The following SEMA4A variants were observed in gnomAD, a reference collection of about 807,000 sequenced individuals.
SEMA4A encodes semaphorin-4A.
Under a neutral mutation model 72.5 loss-of-function variants are expected in SEMA4A, and 52 were observed. The observed-to-expected ratio is 0.72, with a 90% CI of 0.57 to 0.90. The LOEUF (loss-of-function observed/expected upper bound fraction) is 0.90, where lower values mean the gene tolerates loss of function less well. Among genes scored for constraint, SEMA4A ranks in the 40% least tolerant of loss-of-function variants. The pLI, the probability that SEMA4A is intolerant of heterozygous loss-of-function variation, is 0.00. For synonymous variants in SEMA4A, 369 were observed against 393.1 expected (o/e 0.94, Z 0.73); for missense variants, 926 against 959.7 (o/e 0.96, Z 0.46).
intron 10 of SEMA4A, 32 bp downstream of exon 10, chr1:156,163,126 T>A: frequency 6.3e-7 from 1 of 1,593,318 alleles, no homozygotes; most frequent in Non-Finnish European, 8.6e-7. Flanking sequence ...GAGCACAGTC[T>A]ACACATACAT....
intron 10 of SEMA4A, among the ~76,000 whole-genome samples, chr1:156,172,210 T>G (rs1464913285): frequency 6.6e-6 from 1 of 151,966 alleles, no homozygotes; most frequent in Non-Finnish European, 1.5e-5. Context: ...CTCTGCCTTC[T>G]GGGTTCAAGT....
chr1:156,157,968 C>T lies in SEMA4A; in HGVS notation c.301-102C>T, dbSNP rs574978100. On this transcript the variant is annotated intron_variant, in intron 3 of 14. Coordinates refer to ENST00000368285, the MANE Select transcript of SEMA4A (RefSeq NM_022367.4). This position sits in a 1 kb window ranked among gnomAD's most constrained non-coding sequence, Gnocchi z 4.5. The stretch of plus-strand genomic sequence containing the variant: ...ATCAGCATGTCACTAACCACCATGT[C>T]TGCTGGTTATTTCACATCAGAGCAG... 9 of 1,148,130 alleles carry T rather than the reference C, an allele frequency of 7.8e-6. No individual in the cohort carries two copies. The highest frequency in any genetic ancestry group is 1.2e-5 in the Non-Finnish European group (9 of 771,674). 71.1% of individuals were successfully genotyped at this position (1,148,130 alleles called of 1,614,324 possible).
At chr1:156,162,846 C>G (rs1653788310) in intron 9 of SEMA4A, 98 bp from the exon 10 acceptor site, 10 of 1,505,144 alleles carry the variant, frequency 6.6e-6, no homozygotes, top group South Asian at 1.1e-5. Context: ...GCTCTCCACA[C>G]TCTTGCCTCC....
rs757981823 is a variant in SEMA4A, at chr1:156,176,692, G to A, written c.1981G>A (p.Val661Met). The change falls in exon 15 of 15, where the codon GTG (valine) becomes ATG (methionine). Residue 661 changes from valine (V) to methionine (M), a missense_variant. Transcript: ENST00000368285. ...PELAGIPREH[V>M]KVPLTRVSGG... ...ACTGGCAGGCATCCCCCGGGAGCAT[G>A]TGAAGGTCCCGTTGACCAGGGTCAG... 4.3e-6 allele frequency: 7 copies of A among 1,614,170 alleles called. No homozygotes were observed. Among genetic ancestry groups the A allele is most frequent in the Non-Finnish European group, 5.9e-6 (7 of 1,179,976 alleles).
upstream of SEMA4A, among the ~76,000 whole-genome samples, chr1:156,151,517 C>T (rs1043703074): frequency 4.6e-5 from 7 of 152,180 alleles, no homozygotes; most frequent in East Asian, 1.9e-4. Flanking sequence ...GCTTTATTGA[C>T]ACAAATAAGC....
chr1:156,158,090 C>T lies in SEMA4A; in HGVS notation c.321C>T (p.Asp107=). ...TTCAGATACCGTGGCCAGCCAGTGA[C>T]AGAAAAAAGAGTGAATGTGCCTTTA... ...LKNMIPWPAS[D]RKKSECAFKK... is the part of the protein sequence containing the mutation. The change falls in exon 4 of 15, where the codon GAC becomes GAT. Residue 107 remains aspartate (D), a synonymous_variant. Coordinates refer to ENST00000368285, the MANE Select transcript of SEMA4A (RefSeq NM_022367.4). 6.2e-7 allele frequency: 1 copy of T among 1,614,072 alleles called. No homozygotes were observed. Among genetic ancestry groups the T allele is most frequent in the Non-Finnish European group, 8.5e-7 (1 of 1,180,004 alleles).
rs1655189141 is a variant in SEMA4A at position 156,175,108 on chromosome 1, CAGG to C, written c.1461_1463del (p.Gly488del). ...CAGGGTGCAGTGTTTGTAGGCTTCT[CAGG>C]AGGTGTCTGGAGGGTGCCCCGAGCC... is the stretch of plus-strand genomic sequence containing the variant. On this transcript the variant is annotated inframe_deletion, in exon 13 of 15. Transcript: ENST00000368285. 4 of 1,614,196 alleles carry C rather than the reference CAGG, an allele frequency of 2.5e-6. No individual in the cohort carries two copies. The highest frequency in any genetic ancestry group is 2.7e-5 in the African/African-American group (2 of 75,042).
Position 156,175,649 on chromosome 1 carries a change from G to A in SEMA4A, c.1686G>A (p.Pro562=), listed in dbSNP as rs770648240. ...GGAGCCTTCGGCCTCAGAGCCGCCC[G>A]CAAATCAGTGAGTGTAGGACCACTC... ...MSRSLRPQSR[P]QIIKEVLAVP... Residue 562 remains proline (P), a synonymous_variant, in exon 14 of 15, where the codon CCG becomes CCA. Coordinates refer to ENST00000368285, the MANE Select transcript of SEMA4A (RefSeq NM_022367.4). The A allele has an allele frequency of 1.2e-5, 19 of 1,603,726 alleles. No individual in the cohort carries two copies. The highest frequency in any genetic ancestry group is 2.2e-5 in the South Asian group (2 of 89,404).
chr1:156,163,645 C>T lies in SEMA4A; in HGVS notation c.1134+551C>T, dbSNP rs1272679992. Among the ~76,000 whole-genome samples the T allele has an allele frequency of 5.0e-5, 7 of 138,956 alleles. No individual in the cohort carries two copies. In the Middle Eastern group the frequency reaches 0.018, roughly 364 times the overall value. 91.2% of individuals were successfully genotyped at this position (138,956 alleles called of 152,430 possible). A position where few individuals can be genotyped will look rare whatever the true frequency, so the allele number is the denominator to read the frequency against. On this transcript the variant is annotated intron_variant, in intron 10 of 14. Coordinates refer to ENST00000368285, the MANE Select transcript of SEMA4A (RefSeq NM_022367.4). ...CTGAGGCAGGAGAATCGCTTGAACC[C>T]GGGAGGCAGAGGTTGCAGTGAGCCA...
chr1:156,154,875 GAC>G (rs972917718), intron 2 of SEMA4A, 158 bp downstream of exon 2: 9 of 923,554 alleles, frequency 9.7e-6, no homozygotes, highest in Admixed American at 2.9e-5. Flanking sequence ...GAGAAAGAGA[GAC>G]ACAGCCAGAA....
intron 9 of SEMA4A, 125 bp downstream of exon 9, chr1:156,161,643 C>T: frequency 1.0e-6 from 1 of 973,618 alleles, no homozygotes; most frequent in South Asian, 1.5e-5. Context: ...CATAGGAAGG[C>T]ATTAAATCGT....
At chr1:156,160,871 T>A in intron 7 of SEMA4A, 34 bp from the exon 8 acceptor site, 1 of 1,612,978 alleles carries the variant, frequency 6.2e-7, no homozygotes, top group Non-Finnish European at 8.5e-7. Flanking sequence ...ATGCAGGGGC[T>A]CAGTCCCTAA....
chr1:156,168,317 G>A (rs1341224253), intron 10 of SEMA4A, among the ~76,000 whole-genome samples: 7 of 150,762 alleles, frequency 4.6e-5, no homozygotes, highest in African/African-American at 1.7e-4. Flanking sequence ...CACCTCCCTG[G>A]TTCAAGCGAT....
upstream of SEMA4A, among the ~76,000 whole-genome samples, chr1:156,149,078 A>G (rs534174924): frequency 2.0e-4 from 30 of 152,092 alleles, no homozygotes; most frequent in Non-Finnish European, 1.8e-4. Context: ...CTGGGATTAC[A>G]GGCGTGAGCC....
chr1:156,172,904 A>C lies in SEMA4A; in HGVS notation c.1213A>C (p.Thr405Pro). The part of the protein sequence containing the change: ...HFLMDEQVVG[T>P]PLLVKSGVEY... ...CCTGATGGATGAGCAAGTGGTGGGG[A>C]CGCCCCTGCTGGTGAAATCTGGCGT... Residue 405 changes from threonine (T) to proline (P), a missense_variant, in exon 11 of 15, where the codon ACG (threonine) becomes CCG (proline). Physicochemically the swap from Thr to Pro is conservative, Grantham distance 38. Transcript: ENST00000368285. 6.2e-7 allele frequency: 1 copy of C among 1,614,028 alleles called. No homozygotes were observed. Among genetic ancestry groups the C allele is most frequent in the Non-Finnish European group, 8.5e-7 (1 of 1,180,002 alleles).
intron 10 of SEMA4A, among the ~76,000 whole-genome samples, chr1:156,172,449 G>A (rs1342626832): frequency 6.6e-6 from 1 of 152,294 alleles, no homozygotes; most frequent in South Asian, 2.1e-4. Context: ...AGGAGGCTTC[G>A]TCCTGCTTCC....
intron 6 of SEMA4A, among the ~76,000 whole-genome samples, chr1:156,160,003 T>G (rs539134688): frequency 6.6e-6 from 1 of 151,888 alleles, no homozygotes; most frequent in East Asian, 1.9e-4. Context: ...CCCACCTGCC[T>G]TCCTGGAGGA....
At chr1:156,174,776 C>T (rs1558162852) in intron 11 of SEMA4A, 46 bp from the exon 12 acceptor site, 2 of 1,613,772 alleles carry the variant, frequency 1.2e-6, no homozygotes. Flanking sequence ...GGGAAGGGAT[C>T]TGTGGATGAG....
chr1:156,161,397 A>C lies in SEMA4A; in HGVS notation c.862A>C (p.Lys288Gln). 6.7e-7 allele frequency: 1 copy of C among 1,491,026 alleles called. No homozygotes were observed. The highest frequency in any genetic ancestry group is 9.1e-7 in the Non-Finnish European group (1 of 1,102,486). 92.4% of individuals were successfully genotyped at this position (1,491,026 alleles called of 1,614,324 possible). A position where few individuals can be genotyped will look rare whatever the true frequency, so the allele number is the denominator to read the frequency against. Reference protein sequence around the residue: ...LLQKKWTTFLKAQLLCTQPGQ... With the variant: ...LLQKKWTTFLQAQLLCTQPGQ... ...GCAGAAGAAGTGGACCACCTTCCTG[A>C]AGGCCCAGCTGCTCTGCACCCAGCC... Residue 288 changes from lysine to glutamine, a missense_variant, in exon 9 of 15, where the codon AAG (lysine) becomes CAG (glutamine). Lys to Gln is a moderately conservative substitution (Grantham distance 53, BLOSUM62 1). Transcript: ENST00000368285.
Sources: gnomAD v4.1 joint callset for allele counts (sites outside exome capture counted in the v4.1 genomes callset) on GRCh38, gnomAD v4.1.1 for gene constraint, Gnocchi (gnomAD v3.1) non-coding constraint, MANE v1.5 for transcripts, NCBI Gene and HGNC (gene_info 2026-07-23, HGNC 2026-07-21) for gene names.